The following SSUH2 variants were observed in gnomAD, a reference collection of about 807,000 sequenced individuals.
SSUH2 encodes protein SSUH2 homolog.
In SSUH2, 47 loss-of-function variants were observed where a neutral mutation model predicts 55.3. That is an observed-to-expected ratio of 0.85 (90% CI 0.67 to 1.08). SSUH2 has a LOEUF of 1.08. SSUH2 is among the 50% of genes least tolerant of loss of function. The probability of loss-of-function intolerance (pLI) is 0.00; values close to 1 mark genes in which losing one functional copy is unlikely to be tolerated. For synonymous variants in SSUH2, 212 were observed against 191.5 expected (o/e 1.11, Z -0.89); for missense variants, 535 against 490.7 (o/e 1.09, Z -0.85).
At chr3:8,675,530 T>A (rs186860354) in intron 3 of SSUH2, among the ~76,000 whole-genome samples, 3 of 152,186 alleles carry the variant, frequency 2.0e-5, no homozygotes, top group Non-Finnish European at 4.4e-5. Flanking sequence ...AAAGCTCAGA[T>A]CTGCCGACAG....
At chr3:8,655,848 C>G (rs953273526) in intron 7 of SSUH2, among the ~76,000 whole-genome samples, 1 of 152,270 alleles carries the variant, frequency 6.6e-6, no homozygotes, top group Middle Eastern at 3.4e-3. Flanking sequence ...ACACACAGGC[C>G]AGGATTTCAA....
chr3:8,659,717 CT>C (rs1295152754), intron 6 of SSUH2: 4 of 453,718 alleles, frequency 8.8e-6, no homozygotes, highest in African/African-American at 8.0e-5. Flanking sequence ...CATCATCCGT[CT>C]GTCCATCCAT....
intron 7 of SSUH2, among the ~76,000 whole-genome samples, chr3:8,651,747 T>C (rs1259161830): frequency 6.6e-6 from 1 of 152,142 alleles, no homozygotes; most frequent in African/African-American, 2.4e-5. Flanking sequence ...TCCCATCTAA[T>C]GTCAACTGGA....
At chr3:8,628,473 T>C (rs1214998668) in intron 7 of SSUH2, among the ~76,000 whole-genome samples, 1 of 152,198 alleles carries the variant, frequency 6.6e-6, no homozygotes, top group Non-Finnish European at 1.5e-5. Context: ...CTGGGTTGAA[T>C]AGCGGCCCTT....
intron 7 of SSUH2, among the ~76,000 whole-genome samples, chr3:8,628,951 G>A (rs1282786855): frequency 1.3e-5 from 2 of 152,226 alleles, no homozygotes; most frequent in African/African-American, 4.8e-5. Context: ...TGCCTCCTGG[G>A]TTCACGCCTG....
intron 1 of SSUH2, chr3:8,640,057 T>A (rs1444548922): frequency 1.1e-6 from 1 of 939,022 alleles, no homozygotes; most frequent in African/African-American, 1.8e-5. Flanking sequence ...AGTAGAGTGA[T>A]GGTTGACAGG....
upstream of SSUH2, chr3:8,644,842 C>T (rs2125282279): frequency 1.7e-6 from 2 of 1,171,970 alleles, no homozygotes; most frequent in Admixed American, 2.0e-5. Context: ...TCAGGCCCCT[C>T]CCAGAACAGC....
At chr3:8,648,537 G>A (rs1447054454), upstream of SSUH2, among the ~76,000 whole-genome samples, 2 of 151,950 alleles carry the variant, frequency 1.3e-5, no homozygotes, top group Non-Finnish European at 2.9e-5. Context: ...TCTCCTCAGC[G>A]ACAGCAAAGC....
chr3:8,626,442 C>T, intron 8 of SSUH2, 121 bp from the exon 9 acceptor site: 1 of 705,616 alleles, frequency 1.4e-6, no homozygotes, highest in Non-Finnish European at 2.5e-6. Flanking sequence ...ATTGTTTGTA[C>T]CTGCCCACCA....
intron 2 of SSUH2, among the ~76,000 whole-genome samples, chr3:8,678,084 T>A (rs181245113): frequency 3.4e-4 from 52 of 152,188 alleles, no homozygotes; most frequent in South Asian, 2.1e-3. Context: ...AGTGAGGGCG[T>A]GTCCACCTTC....
intron 1 of SSUH2, among the ~76,000 whole-genome samples, chr3:8,643,768 G>C (rs539261653): frequency 2.0e-5 from 3 of 152,202 alleles, no homozygotes; most frequent in Non-Finnish European, 4.4e-5. Flanking sequence ...GAAAGCTATA[G>C]ACCTCTCTCT....
chr3:8,676,904 G>T (rs1489300186), intron 3 of SSUH2, among the ~76,000 whole-genome samples: 2 of 144,204 alleles, frequency 1.4e-5, no homozygotes, highest in African/African-American at 5.2e-5. Flanking sequence ...CAGAGAGCCA[G>T]CCCCTCTTTC....
chr3:8,635,559 T>C (rs916244050), intron 2 of SSUH2, among the ~76,000 whole-genome samples, 178 bp from the exon 3 acceptor site: 2 of 152,248 alleles, frequency 1.3e-5, no homozygotes, highest in African/African-American at 4.8e-5. Flanking sequence ...TAGTGGGACC[T>C]GTCGCAGTCA....
At chr3:8,626,395 C>T (rs562087348) in intron 8 of SSUH2, 74 bp from the exon 9 acceptor site, 209 of 1,067,326 alleles carry the variant, frequency 2.0e-4, no homozygotes, top group Non-Finnish European at 2.8e-4. Flanking sequence ...CCCACCTGCA[C>T]CCCCTTCCTC....
At position 8,632,069 on chromosome 3, in the gene SSUH2, C is replaced by T; in HGVS notation, c.380G>A (p.Trp127Ter). Residue 127 changes from tryptophan to a stop codon, truncating the protein, a stop_gained, in exon 5 of 12, where the codon TGG becomes TAG. Coordinates refer to ENST00000544814, the MANE Select transcript of SSUH2 (RefSeq NM_001256748.3). LOFTEE classifies it high-confidence loss of function. ...ETFSESRISE[W>*]TFQPFTNHSV... ...CTTACTAGTAAAGGGTTGAAATGTC[C>T]ACTCGCTTATCCTGGATTCACTAAA... is the stretch of plus-strand genomic sequence containing the variant. 1 of 1,613,988 alleles carries T rather than the reference C, an allele frequency of 6.2e-7. No homozygotes were observed. Among genetic ancestry groups the T allele is most frequent in the Non-Finnish European group, 8.5e-7 (1 of 1,179,956 alleles).
At chr3:8,642,038 A>T (rs996632261) in intron 1 of SSUH2, among the ~76,000 whole-genome samples, 1 of 152,166 alleles carries the variant, frequency 6.6e-6, no homozygotes, top group African/African-American at 2.4e-5. Flanking sequence ...ACTCATGCCC[A>T]GGAGTAAAAA....
intron 6 of SSUH2, chr3:8,659,653 C>T: frequency 2.4e-6 from 1 of 408,754 alleles, no homozygotes; most frequent in Non-Finnish European, 4.9e-6. Flanking sequence ...CACATCAGTC[C>T]CCTGACCCAA....
intron 3 of SSUH2, chr3:8,634,152 G>A: frequency 1.5e-6 from 1 of 658,274 alleles, no homozygotes; most frequent in Non-Finnish European, 2.5e-6. Context: ...CAGTTAAAAG[G>A]AGGCAGAGAC....
chr3:8,672,885 A>G (rs1021452114), intron 3 of SSUH2, among the ~76,000 whole-genome samples: 3 of 152,128 alleles, frequency 2.0e-5, no homozygotes, highest in African/African-American at 7.2e-5. Context: ...TATTCGGATC[A>G]ATATCACTGG....
Sources: gnomAD v4.1 joint callset for allele counts (sites outside exome capture counted in the v4.1 genomes callset) on GRCh38, gnomAD v4.1.1 for gene constraint, MANE v1.5 for transcripts, NCBI Gene and HGNC (gene_info 2026-07-23, HGNC 2026-07-21) for gene names.